The following XYLT1 variants were observed in gnomAD, a reference collection of about 807,000 sequenced individuals.
The protein encoded by XYLT1 is beta-D-xylosyltransferase 1.
XYLT1 carries 36 observed loss-of-function variants against 91.3 expected under a neutral mutation model. The observed-to-expected ratio is 0.39, with a 90% confidence interval of 0.30 to 0.52. XYLT1 has a LOEUF of 0.52. Ranked by LOEUF, XYLT1 falls within the 20% of genes least tolerant of loss-of-function variation. The pLI is 0.68. For synonymous variants in XYLT1, 588 were observed against 532.0 expected (o/e 1.11, Z -1.45); for missense variants, 1,242 against 1,284.5 (o/e 0.97, Z 0.51).
chr16:17,139,768 G>GA (rs779750577), intron 7 of XYLT1, among the ~76,000 whole-genome samples: 1 of 152,238 alleles, frequency 6.6e-6, no homozygotes, highest in Non-Finnish European at 1.5e-5. Flanking sequence ...TCAGAATTGA[G>GA]AGAAGAGGTG....
chr16:17,255,755 C>T (rs574349157), intron 3 of XYLT1, among the ~76,000 whole-genome samples: 22 of 152,092 alleles, frequency 1.4e-4, no homozygotes, highest in African/African-American at 4.8e-4. Flanking sequence ...TGCCTGTAAT[C>T]CCAGCACTTT....
At chr16:17,460,291 A>C (rs1204899587) in intron 1 of XYLT1, among the ~76,000 whole-genome samples, 1 of 152,148 alleles carries the variant, frequency 6.6e-6, no homozygotes, top group East Asian at 1.9e-4. Flanking sequence ...GGAGGCTGTC[A>C]CTCACACTCC....
intron 3 of XYLT1, chr16:17,250,965 G>A (rs981766791): frequency 6.6e-6 from 1 of 152,222 alleles, no homozygotes; most frequent in Non-Finnish European, 1.5e-5. Flanking sequence ...GCTGACAAAT[G>A]GGGAAACTGA....
At chr16:17,294,719 T>C (rs2034284752) in intron 2 of XYLT1, among the ~76,000 whole-genome samples, 2 of 152,164 alleles carry the variant, frequency 1.3e-5, no homozygotes, top group Non-Finnish European at 2.9e-5. Flanking sequence ...CAAGGGTATC[T>C]TTCCCTTAGC....
intron 5 of XYLT1, among the ~76,000 whole-genome samples, chr16:17,167,378 T>G (rs2031714483): frequency 6.6e-6 from 1 of 152,252 alleles, no homozygotes; most frequent in Admixed American, 6.5e-5. Flanking sequence ...CTGTAAAATC[T>G]GAAGTCCAGT....
At chr16:17,281,514 A>G (rs1426777392) in intron 2 of XYLT1, among the ~76,000 whole-genome samples, 1 of 152,192 alleles carries the variant, frequency 6.6e-6, no homozygotes, top group Non-Finnish European at 1.5e-5. Context: ...GTTAAAAAAA[A>G]TGATGGTCAT....
chr16:17,412,283 A>C (rs1364927432), intron 1 of XYLT1, among the ~76,000 whole-genome samples: 2 of 151,898 alleles, frequency 1.3e-5, no homozygotes, highest in Non-Finnish European at 2.9e-5. Flanking sequence ...AACTAGGTGA[A>C]TAGCACTCCT....
chr16:17,439,663 G>C (rs1596546593), intron 1 of XYLT1, among the ~76,000 whole-genome samples: 1 of 152,210 alleles, frequency 6.6e-6, no homozygotes, highest in Non-Finnish European at 1.5e-5. Context: ...TGTAGTAGTA[G>C]GTTCTGAATG....
intron 11 of XYLT1, among the ~76,000 whole-genome samples, chr16:17,114,287 G>C (rs1966847816): frequency 6.6e-6 from 1 of 152,360 alleles, no homozygotes; most frequent in East Asian, 1.9e-4. Context: ...AGAGGGGGTT[G>C]TGGGAACCCC....
chr16:17,317,916 G>A (rs2034660506), intron 2 of XYLT1, among the ~76,000 whole-genome samples: 1 of 152,124 alleles, frequency 6.6e-6, no homozygotes, highest in African/African-American at 2.4e-5. Flanking sequence ...GCTTTTCCCT[G>A]CATCCTTGAA....
rs1440988138 is a variant in XYLT1, at chr16:17,197,538, G to C, written c.1289+674C>G. On this transcript the variant is annotated intron_variant, in intron 5 of 11. Transcript: ENST00000261381. Reference sequence around the variant, plus strand: ...CATGTCTGTGAGGGTGTTGCCAAAGGAGATTAACATTTGAGTCAGTGGACT... The same window carrying C: ...CATGTCTGTGAGGGTGTTGCCAAAGCAGATTAACATTTGAGTCAGTGGACT... Among the ~76,000 whole-genome samples, 4 of 152,172 alleles carry C rather than the reference G, an allele frequency of 2.6e-5. No homozygotes were observed. The East Asian group carries it at 7.7e-4, about 29-fold the overall frequency.
At chr16:17,438,554 A>C (rs982302026) in intron 1 of XYLT1, among the ~76,000 whole-genome samples, 1 of 152,176 alleles carries the variant, frequency 6.6e-6, no homozygotes, top group Non-Finnish European at 1.5e-5. Context: ...ACCAGCGTTC[A>C]CATCTGTATC....
chr16:17,334,388 C>A, intron 2 of XYLT1, among the ~76,000 whole-genome samples: 1 of 152,122 alleles, frequency 6.6e-6, no homozygotes, highest in East Asian at 1.9e-4. Flanking sequence ...CAGCCAGGGC[C>A]TTTCTTCACA....
intron 2 of XYLT1, among the ~76,000 whole-genome samples, chr16:17,263,090 T>C (rs997942901): frequency 6.6e-6 from 1 of 152,052 alleles, no homozygotes; most frequent in Non-Finnish European, 1.5e-5. Flanking sequence ...GACATCTTCG[T>C]TTTCTCTCTT....
chr16:17,138,690 T>G, intron 7 of XYLT1, 159 bp from the exon 8 acceptor site: 1 of 714,612 alleles, frequency 1.4e-6, no homozygotes, highest in Non-Finnish European at 2.2e-6. Flanking sequence ...CTGTACAGCT[T>G]GCAGAACTGC....
chr16:17,296,034 A>C (rs1246822903), intron 2 of XYLT1, among the ~76,000 whole-genome samples: 1 of 140,132 alleles, frequency 7.1e-6, no homozygotes, highest in Non-Finnish European at 1.5e-5. Context: ...AAGAAAGAAA[A>C]GACACCTTTT....
At chr16:17,405,453 C>T (rs1184085041) in intron 1 of XYLT1, among the ~76,000 whole-genome samples, 2 of 152,218 alleles carry the variant, frequency 1.3e-5, no homozygotes, top group African/African-American at 2.4e-5. Flanking sequence ...CACCCAAAGA[C>T]GAGAACTCTG....
chr16:17,428,096 T>C (rs562916639), intron 1 of XYLT1, among the ~76,000 whole-genome samples: 101 of 152,194 alleles, frequency 6.6e-4, no homozygotes, highest in African/African-American at 2.2e-3. Flanking sequence ...GTTCAAGCGA[T>C]TCTCACCCTC....
intron 1 of XYLT1, among the ~76,000 whole-genome samples, chr16:17,443,369 G>T (rs1276030840): frequency 1.3e-5 from 2 of 152,238 alleles, no homozygotes; most frequent in South Asian, 4.1e-4. Context: ...GGACCTGGTG[G>T]GAAGTGATTG....
Sources: gnomAD v4.1 joint callset for allele counts (sites outside exome capture counted in the v4.1 genomes callset) on GRCh38, gnomAD v4.1.1 for gene constraint, MANE v1.5 for transcripts, NCBI Gene and HGNC (gene_info 2026-07-23, HGNC 2026-07-21) for gene names.